FLG: variants seen among roughly 807,000 people sequenced by gnomAD.
FLG encodes epidermal filaggrin.
Under a neutral mutation model 3.8 loss-of-function variants are expected in FLG, and 6 were observed. The observed-to-expected ratio is 1.60, with a 90% CI of 0.87 to 3.15. FLG has a LOEUF of 3.15. FLG is among the 30% of genes most tolerant of loss of function. The pLI is 0.00. For synonymous variants in FLG, 2,551 were observed against 1,931.6 expected (o/e 1.32, Z -8.41); for missense variants, 7,595 against 5,050.9 (o/e 1.50, Z -15.27).
chr1:152,312,764 G>T lies in FLG; in HGVS notation c.2122C>A (p.His708Asn). 1 of 1,614,030 alleles carries T rather than the reference G, an allele frequency of 6.2e-7. No homozygotes were observed. The highest frequency in any genetic ancestry group is 1.3e-5 in the African/African-American group (1 of 74,962). The change falls in exon 3 of 3, where the codon CAT becomes AAT. Residue 708 changes from histidine to asparagine, a missense_variant. Physicochemically the swap from His to Asn is moderately conservative, Grantham distance 68 (BLOSUM62 1). Transcript: ENST00000368799. ...GACTGGAGCTGGTGGCGGGATCCAT[G>T]TCTTTCTCCTGCACTTGATCTTGCC... ...EQARSSAGER[H>N]GSRHQLQSAD...
rs369885488 is a variant in FLG, at chr1:152,308,833, C to G, written c.6053G>C (p.Arg2018Thr). ...TTGTCCATGCCCAATGCCTGAGTGT[C>G]TGGAGCTGTCTGCTGACTGGAGCTG... ...HHQLQSADSS[R>T]HSGIGHGQAS... Residue 2018 changes from arginine (R) to threonine (T), a missense_variant, in exon 3 of 3, where the codon AGA becomes ACA. By Grantham distance (71) the Arg-to-Thr change is moderately conservative (BLOSUM62 -1). Coordinates refer to ENST00000368799, the MANE Select transcript of FLG (RefSeq NM_002016.2). 7.4e-6 allele frequency: 12 copies of G among 1,614,092 alleles called. No homozygotes were observed. In the East Asian group the frequency reaches 2.4e-4, roughly 33 times the overall value.
chr1:152,307,960 T>A lies in FLG; in HGVS notation c.6926A>T (p.Asn2309Ile). ...SRQSGTHHAE[N>I]SSGGQAASSH... is the part of the protein sequence containing the mutation. ...TGATGCAGCCTGTCCACCAGAGGAA[T>A]TCTCTGCATGATGAGTGCCTGATTG... is the stretch of plus-strand genomic sequence containing the variant. Residue 2309 changes from asparagine (N) to isoleucine (I), a missense_variant, in exon 3 of 3, where the codon AAT becomes ATT. Coordinates refer to ENST00000368799, the MANE Select transcript of FLG (RefSeq NM_002016.2). 1 of 1,613,996 alleles carries A rather than the reference T, an allele frequency of 6.2e-7. No homozygotes were observed. Among genetic ancestry groups the A allele is most frequent in the Non-Finnish European group, 8.5e-7 (1 of 1,179,968 alleles).
In FLG at chr1:152,309,269, G is replaced by A. The variant is rs62623409; in HGVS notation, c.5617C>T (p.Gln1873Ter). Reference protein sequence around the residue: ...SVSRQTRNEKQSGDGSRHSGS... With the variant: ...SVSRQTRNEK ...GAGTGCCTGGAGCCGTCTCCTGATT[G>A]TTTCTCATTACGTGTTTGTCTGCTG... The change falls in exon 3 of 3, where the codon CAA becomes TAA. Residue 1873 changes from glutamine to a stop codon, truncating the protein, a stop_gained. Coordinates refer to ENST00000368799, the MANE Select transcript of FLG (RefSeq NM_002016.2). LOFTEE classifies it low-confidence loss of function (END_TRUNC). 1.9e-6 allele frequency: 3 copies of A among 1,613,678 alleles called. No homozygotes were observed. Among genetic ancestry groups the A allele is most frequent in the South Asian group, 2.2e-5 (2 of 91,062 alleles).
rs553691656 is a variant in FLG, at chr1:152,304,277, A to G, written c.10609T>C (p.Ser3537Pro). 1 of 1,612,810 alleles carries G rather than the reference A, an allele frequency of 6.2e-7. No homozygotes were observed. The highest frequency in any genetic ancestry group is 8.5e-7 in the Non-Finnish European group (1 of 1,179,528). The change falls in exon 3 of 3, where the codon TCC (serine) becomes CCC (proline). Residue 3537 changes from serine (S) to proline (P), a missense_variant. Ser to Pro is a moderately conservative substitution (Grantham distance 74). Transcript: ENST00000368799. ...CTGTCACTGTCCTGGCTAACACTGG[A>G]TCCCTGGTTCCTGCTTGTCCTGGGC... ...AGPRTSRNQGSSVSQDSDSQG... is the reference protein window; with the variant it reads ...AGPRTSRNQGPSVSQDSDSQG...
rs1271177256 is a variant in FLG, at chr1:152,308,203, C to T, written c.6683G>A (p.Gly2228Glu). 3 of 1,614,030 alleles carry T rather than the reference C, an allele frequency of 1.9e-6. No homozygotes were observed. The highest frequency in any genetic ancestry group is 1.7e-6 in the Non-Finnish European group (2 of 1,179,972). The change falls in exon 3 of 3, where the codon GGA (glycine) becomes GAA (glutamate). Residue 2228 changes from glycine to glutamate, a missense_variant. Transcript: ENST00000368799. Reference sequence around the variant, plus strand: ...GCTTGTCCTGGGCCCTGATGATTGTCCCTGGCCCACCAGTGAGTGTCTAGA... The same window carrying T: ...GCTTGTCCTGGGCCCTGATGATTGTTCCTGGCCCACCAGTGAGTGTCTAGA... Reference protein sequence around the residue: ...DSSRHSLVGQGQSSGPRTSRP... With the variant: ...DSSRHSLVGQEQSSGPRTSRP...
Position 152,309,487 on chromosome 1 carries a change from C to G in FLG, c.5399G>C (p.Ser1800Thr), listed in dbSNP as rs566992543. The change falls in exon 3 of 3, where the codon AGC (serine) becomes ACC (threonine). Residue 1800 changes from serine (S) to threonine (T), a missense_variant. Transcript: ENST00000368799. Reference protein sequence around the residue: ...QRSRHEQARDSSRHSASQEGQ... With the variant: ...QRSRHEQARDTSRHSASQEGQ... ...CTCTTGGGACGCTGAGTGCCTGGAGCTGTCTCGTGCCTGCTCGTGGCGGGA... is the reference window on the plus strand; with the variant it reads ...CTCTTGGGACGCTGAGTGCCTGGAGGTGTCTCGTGCCTGCTCGTGGCGGGA... 7.4e-6 allele frequency: 12 copies of G among 1,613,942 alleles called. No homozygotes were observed. In the South Asian group the frequency reaches 1.3e-4, roughly 18 times the overall value.
rs142157664 is a variant in FLG, at chr1:152,304,216, C to T, written c.10670G>A (p.Gly3557Glu). Residue 3557 changes from glycine (G) to glutamate (E), a missense_variant, in exon 3 of 3, where the codon GGG becomes GAG. Coordinates refer to ENST00000368799, the MANE Select transcript of FLG (RefSeq NM_002016.2). ...GHSEDSERWS[G>E]SASRNHRGSA... Reference sequence around the variant, plus strand: ...TCCACGATGGTTTCTGGAAGCAGACCCAGACCACCTCTCAGAGTCTTCTGA... The same window carrying T: ...TCCACGATGGTTTCTGGAAGCAGACTCAGACCACCTCTCAGAGTCTTCTGA... The T allele has an allele frequency of 2.5e-6, 4 of 1,610,000 alleles. No homozygotes were observed. The highest frequency in any genetic ancestry group is 2.2e-5 in the East Asian group (1 of 44,546).
At position 152,314,096 on chromosome 1, in the gene FLG, C is replaced by G; in HGVS notation, c.790G>C (p.Asp264His). The G allele has an allele frequency of 6.2e-7, 1 of 1,614,186 alleles. No homozygotes were observed. The highest frequency in any genetic ancestry group is 8.5e-7 in the Non-Finnish European group (1 of 1,180,022). The change falls in exon 3 of 3, where the codon GAT becomes CAT. Residue 264 changes from aspartate (D) to histidine (H), a missense_variant. By Grantham distance (81) the Asp-to-His change is moderately conservative (BLOSUM62 -1). Coordinates refer to ENST00000368799, the MANE Select transcript of FLG (RefSeq NM_002016.2). ...NKIYERSRSS[D>H]GKSSSQVNRS... ...TTCACTTGAGATGATGATTTGCCAT[C>G]AGATGACCTTGATCTTTCATATATT... is the stretch of plus-strand genomic sequence containing the variant.
intron 1 of FLG, among the ~76,000 whole-genome samples, chr1:152,324,398 C>G (rs550028010): frequency 2.3e-4 from 35 of 152,042 alleles, no homozygotes; most frequent in African/African-American, 7.2e-4. Context: ...TATGTATGCT[C>G]TAAGGCACAC....
chr1:152,309,781 T>A lies in FLG; in HGVS notation c.5105A>T (p.Asp1702Val). Residue 1702 changes from aspartate to valine, a missense_variant, in exon 3 of 3, where the codon GAT (aspartate) becomes GTT (valine). Physicochemically the swap from Asp to Val is radical, Grantham distance 152. Coordinates refer to ENST00000368799, the MANE Select transcript of FLG (RefSeq NM_002016.2). ...TCCACTGTCTCCGACTACAGATGAATCTTGTCTGCGCCCAGTGCCTGAGTC... is the reference window on the plus strand; with the variant it reads ...TCCACTGTCTCCGACTACAGATGAAACTTGTCTGCGCCCAGTGCCTGAGTC... ...STDSGTGRRQDSSVVGDSGNR... is the reference protein window; with the variant it reads ...STDSGTGRRQVSSVVGDSGNR... 1.2e-6 allele frequency: 2 copies of A among 1,613,836 alleles called. No homozygotes were observed. The highest frequency in any genetic ancestry group is 1.7e-6 in the Non-Finnish European group (2 of 1,179,944).
Position 152,314,120 on chromosome 1 carries a change from T to G in FLG, c.766A>C (p.Ile256Leu), listed in dbSNP as rs769664239. ...TTDSLLEENK[I>L]YERSRSSDGK... The stretch of plus-strand genomic sequence containing the variant: ...TCAGATGACCTTGATCTTTCATATA[T>G]TTTGTTTTCTTCTAATAGACTATCA... The change falls in exon 3 of 3, where the codon ATA becomes CTA. Residue 256 changes from isoleucine to leucine, a missense_variant. Coordinates refer to ENST00000368799, the MANE Select transcript of FLG (RefSeq NM_002016.2). The G allele has an allele frequency of 1.9e-6, 3 of 1,614,180 alleles. No individual in the cohort carries two copies. The South Asian group carries it at 3.3e-5, about 18-fold the overall frequency.
At position 152,310,878 on chromosome 1, in the gene FLG, A is replaced by G; in HGVS notation, c.4008T>C (p.Ser1336=). ...SRQSGTHHTE[S]SSHGQAVSSH... The stretch of plus-strand genomic sequence containing the variant: ...ATGACACAGCCTGTCCATGAGAGGA[A>G]GACTCTGTGTGATGAGTGCCTGATT... The change falls in exon 3 of 3, where the codon TCT becomes TCC. Residue 1336 remains serine, a synonymous_variant. Transcript: ENST00000368799. 6.2e-7 allele frequency: 1 copy of G among 1,613,992 alleles called. No individual in the cohort carries two copies.
At chr1:152,315,509 A>T in intron 1 of FLG, 32 bp from the exon 2 acceptor site, 1 of 1,523,190 alleles carries the variant, frequency 6.6e-7, no homozygotes, top group Admixed American at 1.8e-5. Context: ...GCACTTTTTT[A>T]TACATCTTTT....
At position 152,309,753 on chromosome 1, in the gene FLG, G is replaced by A. The variant is rs569143913; in HGVS notation, c.5133C>T (p.Asn1711=). 17 of 1,613,890 alleles carry A rather than the reference G, an allele frequency of 1.1e-5. No individual in the cohort carries two copies. The Admixed American group carries it at 1.3e-4, about 13-fold the overall frequency. Residue 1711 remains asparagine, a synonymous_variant, in exon 3 of 3, where the codon AAC becomes AAT. Coordinates refer to ENST00000368799, the MANE Select transcript of FLG (RefSeq NM_002016.2). The stretch of plus-strand genomic sequence containing the variant: ...TGGCCTGGCTACCACTGGACCCTCG[G>A]TTTCCACTGTCTCCGACTACAGATG... ...QDSSVVGDSG[N]RGSSGSQASD...
In FLG at chr1:152,302,608, T is replaced by C. The variant is rs1438770198; in HGVS notation, c.*92A>G. On this transcript the variant is annotated 3_prime_UTR_variant, in exon 3 of 3. Coordinates refer to ENST00000368799, the MANE Select transcript of FLG (RefSeq NM_002016.2). ...TTTTAAACAGATTGACAGGAAAAGA[T>C]AACTTCCCTGAAAGTATTATGAAGT... 6.6e-7 allele frequency: 1 copy of C among 1,511,468 alleles called. No individual in the cohort carries two copies. Among genetic ancestry groups the C allele is most frequent in the African/African-American group, 1.4e-5 (1 of 71,944 alleles). The allele number at this position is 1,511,468 out of a possible 1,614,324, so 93.6% of individuals were successfully genotyped here.
Position 152,312,427 on chromosome 1 carries a change from G to T in FLG, c.2459C>A (p.Ser820Tyr), listed in dbSNP as rs112822174. The T allele has an allele frequency of 3.8e-4, 616 of 1,613,588 alleles. 8 individuals carry two copies. The African/African-American group carries it at 5.7e-3, about 15-fold the overall frequency. ...TGPSTGVRQGSHHEQARDNSR... is the reference protein window; with the variant it reads ...TGPSTGVRQGYHHEQARDNSR... ...GTTGTCTCGTGCCTGCTCATGGTGG[G>T]ATCCTTGTCTTACTCCAGTGCTGGG... Residue 820 changes from serine to tyrosine, a missense_variant, in exon 3 of 3, where the codon TCC (serine) becomes TAC (tyrosine). Physicochemically the swap from Ser to Tyr is moderately radical, Grantham distance 144. Coordinates refer to ENST00000368799, the MANE Select transcript of FLG (RefSeq NM_002016.2).
At position 152,311,390 on chromosome 1, in the gene FLG, G is replaced by A. The variant is rs1360396565; in HGVS notation, c.3496C>T (p.Arg1166Cys). The A allele has an allele frequency of 6.2e-7, 1 of 1,613,644 alleles. No homozygotes were observed. The highest frequency in any genetic ancestry group is 8.5e-7 in the Non-Finnish European group (1 of 1,179,948). ...SASQEGQDTI[R>C]AHPGSRRGGR... ...CCTCTCCTTGACCCCGGGTGTGCAC[G>A]AATGGTGTCCTGACCCTCTTGGGAC... Residue 1166 changes from arginine to cysteine, a missense_variant, in exon 3 of 3, where the codon CGT becomes TGT. Transcript: ENST00000368799.
chr1:152,304,181 C>G lies in FLG; in HGVS notation c.10705G>C (p.Glu3569Gln). The G allele has an allele frequency of 6.2e-7, 1 of 1,607,952 alleles. No individual in the cohort carries two copies. The highest frequency in any genetic ancestry group is 1.1e-5 in the South Asian group (1 of 90,352). Reference protein sequence around the residue: ...ASRNHRGSAQEQSRDGSRHPT... With the variant: ...ASRNHRGSAQQQSRDGSRHPT... ...TGTCTGGAGCCATCTCTTGACTGCT[C>G]CTGAGCAGATCCACGATGGTTTCTG... The change falls in exon 3 of 3, where the codon GAG becomes CAG. Residue 3569 changes from glutamate (E) to glutamine (Q), a missense_variant. Transcript: ENST00000368799.
rs115601572 is a variant in FLG, at chr1:152,319,193, G to C, written c.-21-3716C>G. Among the ~76,000 whole-genome samples, 859 of 151,648 alleles carry C rather than the reference G, an allele frequency of 5.7e-3. 11 individuals are homozygous for C. The highest frequency in any genetic ancestry group is 0.02 in the African/African-American group (811 of 41,484). ...CATTTGTGCATTTTATTTTAGGTGT[G>C]ATGAGACTAGATGATATTTTTTGGT... is the stretch of plus-strand genomic sequence containing the variant. On this transcript the variant is annotated intron_variant, in intron 1 of 2. Transcript: ENST00000368799.
Sources: allele counts gnomAD v4.1 joint callset (sites outside exome capture counted in the v4.1 genomes callset), GRCh38; gene constraint gnomAD v4.1.1; transcripts MANE v1.5; gene names NCBI Gene and HGNC (gene_info 2026-07-23, HGNC 2026-07-21).